The following ZBTB40 variants were observed in gnomAD, a reference collection of about 807,000 sequenced individuals.
The protein encoded by ZBTB40 is zinc finger and BTB domain-containing protein 40.
ZBTB40 carries 60 observed loss-of-function variants against 117.5 expected under a neutral mutation model. That is an observed-to-expected ratio of 0.51 (90% CI 0.41 to 0.63). The LOEUF (loss-of-function observed/expected upper bound fraction) is 0.63. Ranked by LOEUF, ZBTB40 falls within the 30% of genes least tolerant of loss-of-function variation. The pLI, the probability that ZBTB40 is intolerant of heterozygous loss-of-function variation, is 0.00. For missense variants in ZBTB40, 1,287 were observed against 1,498.5 expected, an observed-to-expected ratio of 0.86 and a Z score of 2.33; for synonymous variants, 525 against 577.1, an observed-to-expected ratio of 0.91 and a Z score of 1.29.
At chr1:22,491,964 G>A (rs1638642430) in intron 3 of ZBTB40, among the ~76,000 whole-genome samples, 1 of 152,114 alleles carries the variant, frequency 6.6e-6, no homozygotes, top group Non-Finnish European at 1.5e-5. Flanking sequence ...CTAATATTTA[G>A]GAATAACAGT....
chr1:22,433,442 A>C (rs1265816141), intron 1 of ZBTB40, among the ~76,000 whole-genome samples: 1 of 139,822 alleles, frequency 7.2e-6, no homozygotes, highest in Non-Finnish European at 1.6e-5. Context: ...CAAAAAAAAA[A>C]AAAAAAAAAA....
In ZBTB40 at chr1:22,495,497, T is replaced by TTTTTG. The variant is rs373024206; in HGVS notation, c.831+3989_831+3993dup. The stretch of plus-strand genomic sequence containing the variant: ...TTTTTTCAGTTTTTGTGCTAGGTTT[T>TTTTTG]TTTTGTTTTGTTTTGTTTTGTTTTG... On this transcript the variant is annotated intron_variant, in intron 3 of 17. Coordinates refer to ENST00000375647, the MANE Select transcript of ZBTB40 (RefSeq NM_014870.4). 1.5e-3 allele frequency among the ~76,000 whole-genome samples: 228 copies of TTTTTG among 152,126 alleles called. 3 individuals are homozygous for TTTTTG. The East Asian group carries it at 0.023, about 16-fold the overall frequency.
rs117884520 is a variant in ZBTB40 at position 22,482,198 on chromosome 1, A to G, written c.-69-7682A>G. On this transcript the variant is annotated intron_variant, in intron 1 of 17. Coordinates refer to ENST00000375647, the MANE Select transcript of ZBTB40 (RefSeq NM_014870.4). ...TTAAAGATTTTCTTTGAGCAAGCTG[A>G]AAACAATCATATGAATTCATGAATG... Among the ~76,000 whole-genome samples, 141 of 152,352 alleles carry G rather than the reference A, an allele frequency of 9.3e-4. 3 individuals are homozygous for G. In the East Asian group the frequency reaches 0.024, roughly 26 times the overall value.
intron 1 of ZBTB40, among the ~76,000 whole-genome samples, chr1:22,435,285 G>A (rs1028873459): frequency 4.6e-5 from 7 of 152,254 alleles, no homozygotes; most frequent in Admixed American, 3.3e-4. Flanking sequence ...ACAGGCATGC[G>A]CCATTGTGCC....
At chr1:22,521,916 G>C (rs1014861861) in intron 15 of ZBTB40, among the ~76,000 whole-genome samples, 2 of 152,226 alleles carry the variant, frequency 1.3e-5, no homozygotes, top group Admixed American at 6.5e-5. Context: ...CACCTGGGAA[G>C]GGTGTCAGCC....
At chr1:22,508,780 G>C in intron 8 of ZBTB40, 49 bp downstream of exon 8, 1 of 1,570,700 alleles carries the variant, frequency 6.4e-7, no homozygotes, top group Admixed American at 1.7e-5. Context: ...AGAGATGACT[G>C]TCAGTCTTCC....
intron 1 of ZBTB40, among the ~76,000 whole-genome samples, chr1:22,486,169 T>C (rs1638461009): frequency 6.6e-6 from 1 of 152,242 alleles, no homozygotes; most frequent in Admixed American, 6.5e-5. Context: ...TAAAAGGAAC[T>C]GCTATAGCTA....
At chr1:22,443,196 T>C (rs886288506) in intron 1 of ZBTB40, among the ~76,000 whole-genome samples, 3 of 152,208 alleles carry the variant, frequency 2.0e-5, no homozygotes, top group African/African-American at 7.2e-5. Flanking sequence ...CCAAATACTA[T>C]AAAATATATA....
At chr1:22,431,261 T>TATATACA (rs1557468542) in intron 1 of ZBTB40, among the ~76,000 whole-genome samples, 1 of 146,726 alleles carries the variant, frequency 6.8e-6, no homozygotes, top group African/African-American at 2.5e-5. Flanking sequence ...CAATATTGTA[T>TATATACA]ATATTGAATA....
chr1:22,478,255 T>C (rs569623374), intron 1 of ZBTB40, among the ~76,000 whole-genome samples: 2 of 152,296 alleles, frequency 1.3e-5, no homozygotes, highest in Non-Finnish European at 2.9e-5. Flanking sequence ...TCTTTTTTTT[T>C]TCTTTTTTTT....
At chr1:22,456,742 A>G (rs1641013191) in intron 1 of ZBTB40, among the ~76,000 whole-genome samples, 1 of 152,254 alleles carries the variant, frequency 6.6e-6, no homozygotes, top group South Asian at 2.1e-4. Context: ...TTTGTGTAAC[A>G]TAGATATCTG....
At chr1:22,507,261 T>C (rs572088833) in intron 6 of ZBTB40, among the ~76,000 whole-genome samples, 1 of 152,168 alleles carries the variant, frequency 6.6e-6, no homozygotes, top group African/African-American at 2.4e-5. Flanking sequence ...TCACATTCGT[T>C]TTTGTGTGGC....
chr1:22,455,669 T>C (rs976262020), intron 1 of ZBTB40, among the ~76,000 whole-genome samples: 1 of 152,176 alleles, frequency 6.6e-6, no homozygotes, highest in Non-Finnish European at 1.5e-5. Context: ...TAACACTAGC[T>C]TTGAAGGATA....
chr1:22,455,017 T>C (rs1241683355), intron 1 of ZBTB40, among the ~76,000 whole-genome samples: 1 of 152,226 alleles, frequency 6.6e-6, no homozygotes, highest in African/African-American at 2.4e-5. Flanking sequence ...GGAGCAGATC[T>C]TGTTTTTTCT....
intron 9 of ZBTB40, 53 bp from the exon 10 acceptor site, chr1:22,511,126 G>A: frequency 6.2e-7 from 1 of 1,603,590 alleles, no homozygotes; most frequent in Non-Finnish European, 8.5e-7. Context: ...GAAAACCATG[G>A]GGAAAATCTG....
intron 1 of ZBTB40, among the ~76,000 whole-genome samples, chr1:22,444,177 C>T (rs1157855457): frequency 6.6e-6 from 1 of 152,120 alleles, no homozygotes; most frequent in Non-Finnish European, 1.5e-5. Flanking sequence ...CTTTGGGAGG[C>T]CACGGCAAGT....
chr1:22,433,525 GAGATGACTTAAAGTAT>G (rs1313132678), intron 1 of ZBTB40, among the ~76,000 whole-genome samples: 1 of 118,376 alleles, frequency 8.4e-6, no homozygotes, highest in African/African-American at 3.0e-5. Flanking sequence ...GTATAATCTA[GAGATGACTTAAAGTAT>G]ACAGGAGGAT....
intron 1 of ZBTB40, among the ~76,000 whole-genome samples, chr1:22,442,123 A>G (rs1033557626): frequency 3.3e-5 from 5 of 152,186 alleles, no homozygotes; most frequent in East Asian, 1.9e-4. Flanking sequence ...CCATTATGGT[A>G]GGAGAAGATA....
At position 22,530,030 on chromosome 1, in the gene ZBTB40, T is replaced by C. The variant is rs770143061; in HGVS notation, c.*3634T>C. The C allele has an allele frequency of 4.0e-5, 6 of 151,266 alleles. No individual in the cohort carries two copies. Among genetic ancestry groups the C allele is most frequent in the Non-Finnish European group, 5.9e-5 (4 of 67,840 alleles). The allele number at this position is 151,266 out of a possible 1,614,324, so 9.4% of individuals were successfully genotyped here. On this transcript the variant is annotated 3_prime_UTR_variant, in exon 18 of 18. Coordinates refer to ENST00000375647, the MANE Select transcript of ZBTB40 (RefSeq NM_014870.4). ...ACAAGCTGAAGACAGGCTAATGGGGTGGCGGGTGTGTGTTTAAACCTCACG... is the reference window on the plus strand; with the variant it reads ...ACAAGCTGAAGACAGGCTAATGGGGCGGCGGGTGTGTGTTTAAACCTCACG...
Sources: allele counts gnomAD v4.1 joint callset (sites outside exome capture counted in the v4.1 genomes callset), GRCh38; gene constraint gnomAD v4.1.1; transcripts MANE v1.5; gene names NCBI Gene and HGNC (gene_info 2026-07-23, HGNC 2026-07-21).